Variants in DCAF6 observed in about 807,000 individuals in gnomAD.
DCAF6 encodes the protein DDB1 and CUL4 associated factor 6, also known as DDB1- and CUL4-associated factor 6.
Under a neutral mutation model 125.1 loss-of-function variants are expected in DCAF6, and 54 were observed. That is an observed-to-expected ratio of 0.43 (90% CI 0.35 to 0.54). DCAF6 has a LOEUF of 0.54. Among genes scored for constraint, DCAF6 ranks in the 20% least tolerant of loss-of-function variants. The pLI is 0.01. For missense variants in DCAF6, 934 were observed against 1,161.7 expected (o/e 0.80, Z 2.85); for synonymous variants, 371 against 390.4 (o/e 0.95, Z 0.58).
chr1:167,906,954 T>C, the DCAF6 span, among the ~76,000 whole-genome samples: 1 of 152,242 alleles, frequency 6.6e-6, no homozygotes, highest in Non-Finnish European at 1.5e-5. Flanking sequence ...AGCTTAAGTA[T>C]GGTGTACCAT....
the DCAF6 span, among the ~76,000 whole-genome samples, chr1:167,908,737 T>C: frequency 6.6e-6 from 1 of 152,234 alleles, no homozygotes; most frequent in Non-Finnish European, 1.5e-5. Context: ...AGAGAACTAA[T>C]GCACTGATGA....
intron 4 of DCAF6, 75 bp downstream of exon 4, chr1:167,975,090 G>A: frequency 2.2e-6 from 2 of 909,556 alleles, no homozygotes; most frequent in Non-Finnish European, 3.2e-6. Context: ...ATGTGTAGAT[G>A]CATGTGTGTA....
In DCAF6 at chr1:168,029,484, G is replaced by C. The variant is rs369776001; in HGVS notation, c.1609+6437G>C. On this transcript the variant is annotated intron_variant, in intron 12 of 21. Coordinates refer to ENST00000367840, the MANE Select transcript of DCAF6 (RefSeq NM_001198956.2). ...TGAATAAATAACACTACTGTCTTCT[G>C]TACTGGGAGCATTGAGTTGATTTAT... Among the ~76,000 whole-genome samples, 117 of 152,274 alleles carry C rather than the reference G, an allele frequency of 7.7e-4. 1 individual carries two copies. In the South Asian group the frequency reaches 0.022, roughly 29 times the overall value.
the DCAF6 span, chr1:167,913,831 GACACAGA>G: frequency 6.6e-6 from 1 of 152,208 alleles, no homozygotes; most frequent in Non-Finnish European, 1.5e-5. Flanking sequence ...GTAAGGGACT[GACACAGA>G]GGTATACACA....
chr1:167,895,448 TAA>T, the DCAF6 span, among the ~76,000 whole-genome samples: 1 of 152,164 alleles, frequency 6.6e-6, no homozygotes, highest in African/African-American at 2.4e-5. Context: ...TTGTAACATC[TAA>T]AATACTCCAG....
At chr1:167,939,488 C>T (rs964693797) in intron 1 of DCAF6, among the ~76,000 whole-genome samples, 11 of 152,030 alleles carry the variant, frequency 7.2e-5, no homozygotes, top group African/African-American at 2.7e-4. Context: ...CTTGGCCGGG[C>T]GCGGTGGCTT....
upstream of DCAF6, among the ~76,000 whole-genome samples, chr1:167,931,156 T>C (rs535550902): frequency 3.3e-5 from 5 of 152,320 alleles, no homozygotes; most frequent in East Asian, 9.6e-4. Flanking sequence ...GGTCTCGAAC[T>C]CCTGATTTCA....
intron 1 of DCAF6, among the ~76,000 whole-genome samples, chr1:167,945,504 T>A (rs1161666536): frequency 6.6e-6 from 1 of 152,150 alleles, no homozygotes; most frequent in Non-Finnish European, 1.5e-5. Flanking sequence ...TCTTTTTTTC[T>A]TTTTTGAGAC....
chr1:168,020,442 A>G (rs1343357250), intron 11 of DCAF6, among the ~76,000 whole-genome samples: 2 of 152,136 alleles, frequency 1.3e-5, no homozygotes, highest in South Asian at 2.1e-4. Flanking sequence ...CAAACAACAC[A>G]TTTTTTGGAA....
At chr1:167,926,739 C>T in the DCAF6 span, among the ~76,000 whole-genome samples, 58 of 152,286 alleles carry the variant, frequency 3.8e-4, no homozygotes, top group African/African-American at 1.3e-3. Context: ...GAAATCCTGG[C>T]CTAGGGCGAC....
the DCAF6 span, among the ~76,000 whole-genome samples, chr1:167,915,376 A>G: frequency 6.6e-6 from 1 of 152,252 alleles, no homozygotes; most frequent in Non-Finnish European, 1.5e-5. Context: ...AGGTTAACAC[A>G]GTATATCCTT....
chr1:167,987,829 G>T (rs1451162645), intron 5 of DCAF6, among the ~76,000 whole-genome samples: 1 of 151,894 alleles, frequency 6.6e-6, no homozygotes, highest in East Asian at 1.9e-4. Flanking sequence ...TGAAGTTGGA[G>T]AACTTATATT....
At chr1:168,004,185 G>GT (rs1385550769) in intron 9 of DCAF6, among the ~76,000 whole-genome samples, 196 bp downstream of exon 9, 2 of 152,074 alleles carry the variant, frequency 1.3e-5, no homozygotes, top group African/African-American at 4.8e-5. Context: ...ATTGGACCTA[G>GT]TGCGTATCTT....
At chr1:168,044,820 T>A in intron 15 of DCAF6, 80 bp from the exon 16 acceptor site, 2 of 1,505,696 alleles carry the variant, frequency 1.3e-6, no homozygotes, top group South Asian at 2.5e-5. Flanking sequence ...TTAGAATGTG[T>A]TTGTGAGCTC....
the DCAF6 span, among the ~76,000 whole-genome samples, chr1:167,914,587 C>T: frequency 1.3e-5 from 2 of 152,156 alleles, no homozygotes; most frequent in African/African-American, 4.8e-5. Flanking sequence ...CAAGTGCACG[C>T]TTTTAATCAA....
the DCAF6 span, among the ~76,000 whole-genome samples, chr1:167,904,181 G>C: frequency 4.0e-5 from 6 of 149,372 alleles, no homozygotes; most frequent in East Asian, 1.2e-3. Context: ...TCCGCCTCCC[G>C]GGTTCAAGCA....
the DCAF6 span, among the ~76,000 whole-genome samples, chr1:167,885,529 A>G: frequency 6.6e-6 from 1 of 152,144 alleles, no homozygotes; most frequent in Non-Finnish European, 1.5e-5. Flanking sequence ...ATTTTCATTT[A>G]TCTGATGATT....
chr1:168,027,096 A>T (rs76460027), intron 12 of DCAF6, among the ~76,000 whole-genome samples: 1,998 of 152,244 alleles, frequency 0.013, 47 homozygotes, highest in African/African-American at 0.046. Context: ...AGAAAGTCTG[A>T]TAAATCATTT....
intron 4 of DCAF6, among the ~76,000 whole-genome samples, chr1:167,975,493 A>G (rs1164569305): frequency 6.6e-6 from 1 of 152,240 alleles, no homozygotes; most frequent in East Asian, 1.9e-4. Flanking sequence ...ATAAGGTGGA[A>G]TAAATTTAAG....
Sources: allele counts gnomAD v4.1 joint callset (sites outside exome capture counted in the v4.1 genomes callset), GRCh38; gene constraint gnomAD v4.1.1; transcripts MANE v1.5; gene names NCBI Gene and HGNC (gene_info 2026-07-23, HGNC 2026-07-21).